SYT16: variants seen among roughly 807,000 people sequenced by gnomAD.
The protein encoded by SYT16 is synaptotagmin-16.
SYT16 carries 42 observed loss-of-function variants against 61.4 expected under a neutral mutation model. That is an observed-to-expected ratio of 0.68 (90% CI 0.53 to 0.89). The LOEUF is 0.89. Among genes scored for constraint, SYT16 ranks in the 40% least tolerant of loss-of-function variants. The pLI, the probability that SYT16 is intolerant of heterozygous loss-of-function variation, is 0.00. For missense variants in SYT16, 804 were observed against 807.3 expected, an observed-to-expected ratio of 1.00 and a Z score of 0.05; for synonymous variants, 314 against 302.3, an observed-to-expected ratio of 1.04 and a Z score of -0.40.
chr14:62,085,657 A>T (rs772658779), intron 7 of SYT16, among the ~76,000 whole-genome samples: 57 of 152,194 alleles, frequency 3.7e-4, no homozygotes, highest in Admixed American at 7.8e-4. Flanking sequence ...GAATGGGGGT[A>T]TCTTGTTAGT....
chr14:62,047,162 T>G (rs1200271074), intron 3 of SYT16, among the ~76,000 whole-genome samples: 2 of 152,226 alleles, frequency 1.3e-5, no homozygotes, highest in Non-Finnish European at 2.9e-5. Flanking sequence ...AGCAGTGGTT[T>G]GTAGTTCTCC....
At chr14:62,086,642 C>A (rs894399770) in intron 7 of SYT16, among the ~76,000 whole-genome samples, 1 of 152,100 alleles carries the variant, frequency 6.6e-6, no homozygotes, top group Non-Finnish European at 1.5e-5. Flanking sequence ...GAGGATGGAA[C>A]TATTATATCT....
At chr14:61,892,055 G>A (rs550472888) in intron 1 of SYT16, among the ~76,000 whole-genome samples, 1 of 151,898 alleles carries the variant, frequency 6.6e-6, no homozygotes, top group Non-Finnish European at 1.5e-5. Flanking sequence ...TCACTTCCCT[G>A]CCTCCCTCCT....
In SYT16 at chr14:62,100,376, C is replaced by CTT. The variant is rs749150838; in HGVS notation, c.1625-9_1625-8dup. The CTT allele has an allele frequency of 7.8e-6, 10 of 1,286,434 alleles. No homozygotes were observed. Among genetic ancestry groups the CTT allele is most frequent in the South Asian group, 1.5e-5 (1 of 64,944 alleles). The allele number at this position is 1,286,434 out of a possible 1,614,324, so 79.7% of individuals were successfully genotyped here. A position where few individuals can be genotyped will look rare whatever the true frequency, so the allele number is the denominator to read the frequency against. On this transcript the variant is annotated splice_polypyrimidine_tract_variant and intron_variant, in intron 7 of 7. Transcript: ENST00000683842. ...TGTTTCTTATCATCCCCACCCCACC[C>CTT]TTTTTTTTTTGTCTTAGATACATAT... is the stretch of plus-strand genomic sequence containing the variant.
At chr14:61,813,942 G>A (rs2045348378) in intron 1 of SYT16, among the ~76,000 whole-genome samples, 1 of 151,982 alleles carries the variant, frequency 6.6e-6, no homozygotes, top group African/African-American at 2.4e-5. Context: ...AGTGTGGAGA[G>A]CTTGAGTTTT....
At chr14:61,920,450 G>A (rs771828700) in intron 1 of SYT16, among the ~76,000 whole-genome samples, 40 of 151,914 alleles carry the variant, frequency 2.6e-4, no homozygotes, top group Non-Finnish European at 4.0e-4. Context: ...AACAGGCCCC[G>A]GTGTGTGATG....
intron 1 of SYT16, among the ~76,000 whole-genome samples, chr14:61,892,228 T>C (rs11845078): frequency 0.3 from 46,043 of 151,748 alleles, 7,197 homozygotes; most frequent in Admixed American, 0.34. Context: ...TGACTCTACC[T>C]TCCTCACACC....
chr14:62,037,722 C>A (rs1254912), intron 3 of SYT16, among the ~76,000 whole-genome samples: 53,655 of 151,986 alleles, frequency 0.35, 9,590 homozygotes, highest in South Asian at 0.47. Context: ...AAAATCTGAA[C>A]GAACCTGAAT....
chr14:61,920,695 T>A (rs986134192), intron 1 of SYT16, among the ~76,000 whole-genome samples: 3 of 152,244 alleles, frequency 2.0e-5, no homozygotes, highest in African/African-American at 7.2e-5. Context: ...TTCATTCATT[T>A]GTTGAATGAA....
At chr14:62,064,570 C>A (rs966277800) in intron 3 of SYT16, among the ~76,000 whole-genome samples, 2 of 152,124 alleles carry the variant, frequency 1.3e-5, no homozygotes, top group African/African-American at 4.8e-5. Flanking sequence ...TGATAAAACA[C>A]AGTTGCATCC....
At position 62,104,251 on chromosome 14, in the gene SYT16, A is replaced by G. The variant is rs1381899010; in HGVS notation, c.*3544A>G. ...AAAACAGAAAAGTAAGTAGGAAAGT[A>G]TTATTTGTAAATGTCATAAAACCAG... On this transcript the variant is annotated 3_prime_UTR_variant, in exon 8 of 8. Coordinates refer to ENST00000683842, the MANE Select transcript of SYT16 (RefSeq NM_001367656.1). 2 of 152,234 alleles carry G rather than the reference A, an allele frequency of 1.3e-5. No individual in the cohort carries two copies. Among genetic ancestry groups the G allele is most frequent in the Admixed American group, 6.5e-5 (1 of 15,276 alleles). 9.4% of individuals were successfully genotyped at this position (152,234 alleles called of 1,614,324 possible).
intron 1 of SYT16, among the ~76,000 whole-genome samples, chr14:61,939,816 C>T (rs1243946274): frequency 3.3e-5 from 5 of 152,124 alleles, no homozygotes; most frequent in Non-Finnish European, 7.4e-5. Context: ...CAAGCACCTC[C>T]CCTGACCTCT....
chr14:61,997,049 A>G (rs532760234), intron 3 of SYT16, among the ~76,000 whole-genome samples: 4 of 152,188 alleles, frequency 2.6e-5, no homozygotes, highest in Admixed American at 6.6e-5. Flanking sequence ...GAATAGCTTG[A>G]TTTTCTTTTA....
chr14:61,971,472 G>T (rs944262385), intron 2 of SYT16, among the ~76,000 whole-genome samples: 1 of 152,198 alleles, frequency 6.6e-6, no homozygotes, highest in African/African-American at 2.4e-5. Context: ...CCTCCACAAG[G>T]CTACTTGAGT....
chr14:61,836,809 C>G (rs1379516024), intron 1 of SYT16, among the ~76,000 whole-genome samples: 2 of 152,228 alleles, frequency 1.3e-5, no homozygotes, highest in East Asian at 3.9e-4. Context: ...TTATGTCTGT[C>G]TTAATTTCTT....
At chr14:62,074,395 G>A (rs1169952133) in intron 4 of SYT16, among the ~76,000 whole-genome samples, 1 of 152,214 alleles carries the variant, frequency 6.6e-6, no homozygotes, top group Non-Finnish European at 1.5e-5. Context: ...AGTGAGACCA[G>A]AGGAATGAGA....
Position 61,996,161 on chromosome 14 carries a change from A to G in SYT16, c.142A>G (p.Lys48Glu). The G allele has an allele frequency of 6.2e-7, 1 of 1,613,464 alleles. No individual in the cohort carries two copies. Among genetic ancestry groups the G allele is most frequent in the South Asian group, 1.1e-5 (1 of 91,066 alleles). The change falls in exon 3 of 8, where the codon AAA becomes GAA. Residue 48 changes from lysine (K) to glutamate (E), a missense_variant. By Grantham distance (56) the Lys-to-Glu change is moderately conservative. Coordinates refer to ENST00000683842, the MANE Select transcript of SYT16 (RefSeq NM_001367656.1). ...SLVNISKQDS[K>E]LSDKLDQDLD... ...GGTTAACATAAGCAAACAAGACTCT[A>G]AATTGAGTGACAAACTAGATCAGGA... is the stretch of plus-strand genomic sequence containing the variant.
chr14:61,864,862 G>T, intron 1 of SYT16: 1 of 1,146,798 alleles, frequency 8.7e-7, no homozygotes. Flanking sequence ...TATTCTCCCA[G>T]CCACCCCCGG....
At chr14:62,095,684 C>G (rs750099724) in intron 7 of SYT16, among the ~76,000 whole-genome samples, 9 of 151,668 alleles carry the variant, frequency 5.9e-5, no homozygotes, top group Non-Finnish European at 4.4e-5. Flanking sequence ...GTTTTTTTTC[C>G]ACATTATATG....
Sources: gnomAD v4.1 joint callset for allele counts (sites outside exome capture counted in the v4.1 genomes callset) on GRCh38, gnomAD v4.1.1 for gene constraint, MANE v1.5 for transcripts, NCBI Gene and HGNC (gene_info 2026-07-23, HGNC 2026-07-21) for gene names.